Variants in FRMD4B observed in about 807,000 individuals in gnomAD.
FRMD4B encodes the protein FERM domain-containing protein 4B.
FRMD4B carries 74 observed loss-of-function variants against 141.5 expected under a neutral mutation model. The ratio of observed to expected loss-of-function variants is 0.52; its 90% CI spans 0.43 to 0.63. The LOEUF is 0.63. Ranked by LOEUF, FRMD4B falls within the 30% of genes least tolerant of loss-of-function variation. FRMD4B has a pLI of 0.00. For synonymous variants in FRMD4B, 506 were observed against 467.9 expected, an observed-to-expected ratio of 1.08 and a Z score of -1.05; for missense variants, 1,366 against 1,253.4, an observed-to-expected ratio of 1.09 and a Z score of -1.36.
chr3:69,218,405 A>G lies in FRMD4B; in HGVS notation c.732-26T>C, dbSNP rs1418084665. 4 of 1,095,966 alleles carry G rather than the reference A, an allele frequency of 3.6e-6. No homozygotes were observed. In the South Asian group the frequency reaches 5.5e-5, roughly 15 times the overall value. 67.9% of individuals were successfully genotyped at this position (1,095,966 alleles called of 1,614,324 possible). A position where few individuals can be genotyped will look rare whatever the true frequency, so the allele number is the denominator to read the frequency against. ...CTATGGAAAATAAATATGTATCACA[A>G]TCTTATTAAAATAGTTAGAGGACCC... is the stretch of plus-strand genomic sequence containing the variant. On this transcript the variant is annotated intron_variant, in intron 9 of 22. Coordinates refer to ENST00000398540, the MANE Select transcript of FRMD4B (RefSeq NM_015123.3).
chr3:69,473,730 A>G (rs963708923), intron 1 of FRMD4B, among the ~76,000 whole-genome samples: 10 of 152,194 alleles, frequency 6.6e-5, no homozygotes, highest in African/African-American at 2.4e-4. Flanking sequence ...ATAATTTATG[A>G]AACTCTGTCG....
chr3:69,349,308 T>G (rs1703054531), intron 1 of FRMD4B, among the ~76,000 whole-genome samples: 1 of 152,074 alleles, frequency 6.6e-6, no homozygotes, highest in African/African-American at 2.4e-5. Context: ...AAACCACTGC[T>G]CAATGAAATA....
intron 1 of FRMD4B, among the ~76,000 whole-genome samples, chr3:69,514,199 A>C (rs191781070): frequency 6.6e-6 from 1 of 152,374 alleles, no homozygotes; most frequent in Admixed American, 6.5e-5. Flanking sequence ...GAACAACTTC[A>C]GCAAGATTGC....
intron 1 of FRMD4B, among the ~76,000 whole-genome samples, chr3:69,473,536 T>C (rs916742868): frequency 8.5e-5 from 13 of 152,174 alleles, no homozygotes; most frequent in African/African-American, 2.4e-4. Flanking sequence ...ATAGCCATCT[T>C]GCATTTGACC....
chr3:69,427,470 G>T (rs896003610), intron 2 of FRMD4B, among the ~76,000 whole-genome samples: 7 of 150,158 alleles, frequency 4.7e-5, no homozygotes, highest in African/African-American at 1.7e-4. Context: ...CTAACATTTT[G>T]GGAGACATGA....
At chr3:69,173,843 C>T (rs1436443947) in intron 22 of FRMD4B, among the ~76,000 whole-genome samples, 1 of 152,098 alleles carries the variant, frequency 6.6e-6, no homozygotes, top group South Asian at 2.1e-4. Context: ...AAGATGTTAA[C>T]AGCTGCAATA....
chr3:69,468,917 A>G (rs374166456), intron 1 of FRMD4B, among the ~76,000 whole-genome samples: 1 of 152,326 alleles, frequency 6.6e-6, no homozygotes, highest in African/African-American at 2.4e-5. Flanking sequence ...CTTTGCCATC[A>G]ATACAGACCT....
At chr3:69,341,507 G>C (rs1301137865) in intron 1 of FRMD4B, among the ~76,000 whole-genome samples, 1 of 152,182 alleles carries the variant, frequency 6.6e-6, no homozygotes, top group Non-Finnish European at 1.5e-5. Context: ...AGGTGGCAAG[G>C]CTTGCTCTTA....
At chr3:69,291,400 TA>T (rs1019649614) in intron 4 of FRMD4B, among the ~76,000 whole-genome samples, 10 of 151,914 alleles carry the variant, frequency 6.6e-5, no homozygotes, top group Non-Finnish European at 1.5e-4. Flanking sequence ...CCAAAACTTA[TA>T]AAAAAAAGAG....
chr3:69,246,253 T>A (rs1246313227), intron 7 of FRMD4B, among the ~76,000 whole-genome samples: 1 of 152,072 alleles, frequency 6.6e-6, no homozygotes, highest in Non-Finnish European at 1.5e-5. Flanking sequence ...CCCAGGAATT[T>A]GAGACCAGCC....
intron 11 of FRMD4B, among the ~76,000 whole-genome samples, chr3:69,209,012 C>T (rs1010555718): frequency 2.0e-5 from 3 of 152,014 alleles, no homozygotes; most frequent in African/African-American, 4.8e-5. Context: ...GGCGTGGTGG[C>T]GTGCGCCTGT....
intron 1 of FRMD4B, among the ~76,000 whole-genome samples, chr3:69,350,533 A>T (rs1275218115): frequency 6.6e-6 from 1 of 152,182 alleles, no homozygotes; most frequent in Non-Finnish European, 1.5e-5. Flanking sequence ...ATGTATGTTT[A>T]CTGTGACACT....
intron 1 of FRMD4B, among the ~76,000 whole-genome samples, chr3:69,366,162 A>C (rs1005289455): frequency 1.3e-5 from 2 of 151,652 alleles, no homozygotes; most frequent in Non-Finnish European, 2.9e-5. Context: ...TGGGAGGCTA[A>C]GGCAGGAGAA....
chr3:69,395,557 G>A (rs9812084), intron 2 of FRMD4B, among the ~76,000 whole-genome samples: 102,407 of 152,044 alleles, frequency 0.67, 34,604 homozygotes, highest in East Asian at 0.7. Context: ...TGGTAGTATT[G>A]TTGCTAGGAA....
At chr3:69,200,042 G>T (rs1001726647) in intron 11 of FRMD4B, among the ~76,000 whole-genome samples, 1 of 152,102 alleles carries the variant, frequency 6.6e-6, no homozygotes, top group Non-Finnish European at 1.5e-5. Context: ...TATGTTCAAA[G>T]AATCTTAAAA....
rs571333466 is a variant in FRMD4B, at chr3:69,499,375, A to G, written c.-129+42831T>C. ...AGAAGCACAGAGTGCATGAAAAACAACAGCTGAGGAGAAAGGCTGTTGGTT... is the reference window on the plus strand; with the variant it reads ...AGAAGCACAGAGTGCATGAAAAACAGCAGCTGAGGAGAAAGGCTGTTGGTT... On this transcript the variant is annotated intron_variant, in intron 1 of 5. Coordinates refer to the FRMD4B transcript ENST00000459638. 2.6e-5 allele frequency among the ~76,000 whole-genome samples: 4 copies of G among 152,312 alleles called. No individual in the cohort carries two copies. In the South Asian group the frequency reaches 8.3e-4, roughly 32 times the overall value.
intron 7 of FRMD4B, among the ~76,000 whole-genome samples, chr3:69,245,345 G>T (rs1019331204): frequency 0.015 from 2,231 of 150,774 alleles, 53 homozygotes; most frequent in African/African-American, 0.052. Context: ...GTGTGTGTGT[G>T]TGTGTGTGTT....
At chr3:69,487,602 C>G (rs577951957) in intron 1 of FRMD4B, among the ~76,000 whole-genome samples, 1 of 152,188 alleles carries the variant, frequency 6.6e-6, no homozygotes, top group African/African-American at 2.4e-5. Flanking sequence ...CCACAGGACT[C>G]ATAATCTGCT....
intron 17 of FRMD4B, 63 bp from the exon 18 acceptor site, chr3:69,190,015 A>C: frequency 1.1e-6 from 1 of 895,552 alleles, no homozygotes. Context: ...GGGGTCTTAG[A>C]TAAACAATTT....
Sources: allele counts gnomAD v4.1 joint callset (sites outside exome capture counted in the v4.1 genomes callset), GRCh38; gene constraint gnomAD v4.1.1; transcripts MANE v1.5; gene names NCBI Gene and HGNC (gene_info 2026-07-23, HGNC 2026-07-21).